Variants in SLC9B1 observed in about 807,000 individuals in gnomAD.
SLC9B1 encodes solute carrier family 9 member B1.
A neutral mutation model predicts 51.7 loss-of-function variants in SLC9B1; 32 were observed. The observed-to-expected ratio is 0.62, with a 90% confidence interval of 0.47 to 0.83. The LOEUF is 0.83. Ranked by LOEUF, SLC9B1 falls within the 40% of genes least tolerant of loss-of-function variation. The probability of loss-of-function intolerance (pLI) is 0.00; values close to 1 mark genes in which losing one functional copy is unlikely to be tolerated. For missense variants in SLC9B1, 406 were observed against 613.2 expected, an observed-to-expected ratio of 0.66 and a Z score of 3.57; for synonymous variants, 145 against 212.7, an observed-to-expected ratio of 0.68 and a Z score of 2.77.
intron 3 of SLC9B1, among the ~76,000 whole-genome samples, chr4:102,978,213 G>C (rs1739176957): frequency 6.6e-6 from 1 of 152,108 alleles, no homozygotes; most frequent in Non-Finnish European, 1.5e-5. Flanking sequence ...TATCATTGTT[G>C]GACATTTGGC....
At chr4:102,943,674 A>G (rs1438184195) in intron 6 of SLC9B1, among the ~76,000 whole-genome samples, 2 of 152,172 alleles carry the variant, frequency 1.3e-5, no homozygotes, top group African/African-American at 4.8e-5. Context: ...GTTCTGACTT[A>G]TAAGTGGGAG....
At chr4:102,925,175 A>T (rs2110449569) in intron 7 of SLC9B1, among the ~76,000 whole-genome samples, 1 of 152,292 alleles carries the variant, frequency 6.6e-6, no homozygotes, top group South Asian at 2.1e-4. Flanking sequence ...TCAATGATAG[A>T]CTGGATTAAG....
chr4:103,000,732 G>C (rs370882128), intron 1 of SLC9B1, among the ~76,000 whole-genome samples: 10 of 152,226 alleles, frequency 6.6e-5, no homozygotes, highest in African/African-American at 2.2e-4. Context: ...TGCCTCTGTG[G>C]CTTGGCAGGG....
chr4:102,899,946 A>G (rs1035333710), downstream of SLC9B1, among the ~76,000 whole-genome samples: 16 of 152,186 alleles, frequency 1.1e-4, no homozygotes, highest in African/African-American at 3.9e-4. Flanking sequence ...TATTTCCCAG[A>G]AGGTTTTAGA....
intron 3 of SLC9B1, among the ~76,000 whole-genome samples, chr4:102,972,729 C>T (rs1738828837): frequency 6.6e-6 from 1 of 152,072 alleles, no homozygotes; most frequent in Non-Finnish European, 1.5e-5. Context: ...TTTACCAAAA[C>T]TCATCAAAAT....
chr4:102,955,886 A>G (rs1737776016), intron 3 of SLC9B1, among the ~76,000 whole-genome samples: 1 of 144,794 alleles, frequency 6.9e-6, no homozygotes, highest in Non-Finnish European at 1.5e-5. Context: ...AGAAAGAAAG[A>G]AAGAAAGAAA....
chr4:102,898,728 T>C (rs1403247882), downstream of SLC9B1, among the ~76,000 whole-genome samples: 2 of 152,142 alleles, frequency 1.3e-5, no homozygotes, highest in African/African-American at 4.8e-5. Context: ...TTGTATTTAT[T>C]TGTTATTTTA....
chr4:102,937,543 G>A lies in SLC9B1; in HGVS notation c.654-5244C>T, dbSNP rs567703824. Reference sequence around the variant, plus strand: ...AGATCAAGACCATCCTGGCCAACACGGTGAAACCCCATCTCTACTAAAAAT... The same window carrying A: ...AGATCAAGACCATCCTGGCCAACACAGTGAAACCCCATCTCTACTAAAAAT... On this transcript the variant is annotated intron_variant, in intron 6 of 11. Coordinates refer to ENST00000296422, the MANE Select transcript of SLC9B1 (RefSeq NM_139173.4). 2.7e-5 allele frequency among the ~76,000 whole-genome samples: 4 copies of A among 150,004 alleles called. No individual in the cohort carries two copies. In the East Asian group the frequency reaches 6.0e-4, roughly 22 times the overall value.
intron 3 of SLC9B1, among the ~76,000 whole-genome samples, chr4:102,988,511 G>T (rs920077089): frequency 7.2e-5 from 11 of 152,058 alleles, no homozygotes; most frequent in African/African-American, 2.4e-4. Context: ...CTTACACATG[G>T]TTGTACATTA....
rs771024975 is a variant in SLC9B1 at position 102,932,257 on chromosome 4, G to A, written c.696C>T (p.Tyr232=). 6.2e-7 allele frequency: 1 copy of A among 1,611,724 alleles called. No homozygotes were observed. The highest frequency in any genetic ancestry group is 1.3e-5 in the African/African-American group (1 of 74,828). The change falls in exon 7 of 12, where the codon TAC becomes TAT. Residue 232 remains tyrosine (Y), a synonymous_variant. Coordinates refer to ENST00000296422, the MANE Select transcript of SLC9B1 (RefSeq NM_139173.4). ...ATCCATTTTCTTGCAGCACCATCAT[G>A]TAAGGGACAACAACAGCAGGAGAGA... is the stretch of plus-strand genomic sequence containing the variant. ...GAVSPAVVVP[Y]MMVLQENGYG...
intron 7 of SLC9B1, among the ~76,000 whole-genome samples, chr4:102,926,673 C>T (rs1339837694): frequency 3.9e-5 from 6 of 152,010 alleles, no homozygotes; most frequent in Admixed American, 6.6e-5. Flanking sequence ...CCATACTGCC[C>T]GAAGTAATTT....
intron 9 of SLC9B1, among the ~76,000 whole-genome samples, chr4:102,907,510 A>G (rs1735113037): frequency 6.6e-6 from 1 of 152,226 alleles, no homozygotes; most frequent in Non-Finnish European, 1.5e-5. Context: ...CAAAACATAT[A>G]TTAGATTCTC....
intron 3 of SLC9B1, among the ~76,000 whole-genome samples, chr4:102,955,883 AAGAAAGAAAGAAAGAAAGAG>A (rs1257134893): frequency 0.012 from 1,786 of 146,950 alleles, 49 homozygotes; most frequent in African/African-American, 0.041. Context: ...GAAAGAAAGA[AAGAAAGAAAGAAAGAAAGAG>A]AGAGAAAGAC....
chr4:102,895,205 T>C (rs1175612304), intron 11 of SLC9B1, among the ~76,000 whole-genome samples: 1 of 152,014 alleles, frequency 6.6e-6, no homozygotes, highest in Non-Finnish European at 1.5e-5. Flanking sequence ...AAATTGAGAA[T>C]CTACATGTAG....
intron 4 of SLC9B1, among the ~76,000 whole-genome samples, chr4:102,947,981 A>C (rs1388852208): frequency 6.6e-6 from 1 of 152,170 alleles, no homozygotes; most frequent in Non-Finnish European, 1.5e-5. Context: ...TGGTGGTTAT[A>C]GCGGTGATGG....
chr4:102,925,465 T>C (rs1037795270), intron 7 of SLC9B1, among the ~76,000 whole-genome samples: 8 of 152,054 alleles, frequency 5.3e-5, no homozygotes, highest in Non-Finnish European at 8.8e-5. Context: ...GACGAGTTAA[T>C]GGGTGCAGCA....
At chr4:102,996,807 G>A (rs1003650649) in intron 1 of SLC9B1, among the ~76,000 whole-genome samples, 2 of 151,212 alleles carry the variant, frequency 1.3e-5, no homozygotes, top group African/African-American at 4.9e-5. Flanking sequence ...TTTTTTCTGA[G>A]ATAGGGTCTT....
chr4:102,979,473 T>C (rs1739241154), intron 3 of SLC9B1, among the ~76,000 whole-genome samples: 1 of 152,186 alleles, frequency 6.6e-6, no homozygotes, highest in Non-Finnish European at 1.5e-5. Flanking sequence ...GATAGTGTTT[T>C]TGAGGCAAGT....
chr4:102,893,321 A>C (rs1197330388), intron 11 of SLC9B1, among the ~76,000 whole-genome samples: 31 of 151,166 alleles, frequency 2.1e-4, no homozygotes, highest in African/African-American at 7.0e-4. Flanking sequence ...AGAAAAAAGA[A>C]AGATTCACTT....
Sources: allele counts gnomAD v4.1 joint callset (sites outside exome capture counted in the v4.1 genomes callset), GRCh38; gene constraint gnomAD v4.1.1; transcripts MANE v1.5; gene names NCBI Gene and HGNC (gene_info 2026-07-23, HGNC 2026-07-21).